The following MYH6 variants were observed in gnomAD, a reference collection of about 807,000 sequenced individuals.
MYH6 encodes myosin-6.
In MYH6, 126 loss-of-function variants were observed where a neutral mutation model predicts 223.2. That is an observed-to-expected ratio of 0.56 (90% CI 0.49 to 0.65). MYH6 has a LOEUF of 0.65. Ranked by LOEUF, MYH6 falls within the 30% of genes least tolerant of loss-of-function variation. The probability of loss-of-function intolerance (pLI) is 0.00; values close to 1 mark genes in which losing one functional copy is unlikely to be tolerated. For synonymous variants in MYH6, 978 were observed against 1,010.2 expected (o/e 0.97, Z 0.61); for missense variants, 2,040 against 2,536.4 (o/e 0.80, Z 4.20).
Position 23,400,742 on chromosome 14 carries a change from T to C in MYH6, c.1377A>G (p.Gly459=). The change falls in exon 13 of 39, where the codon GGA becomes GGG. Residue 459 remains glycine (G), a synonymous_variant. Coordinates refer to ENST00000405093, the MANE Select transcript of MYH6 (RefSeq NM_002471.4). ...ETKQPRQYFI[G]VLDIAGFEIF... Reference sequence around the variant, plus strand: ...TCTCGAAGCCAGCGATGTCCAGGACTCCTATGAAGTACTGGCGTGGCTGCT... The same window carrying C: ...TCTCGAAGCCAGCGATGTCCAGGACCCCTATGAAGTACTGGCGTGGCTGCT... 1 of 1,614,224 alleles carries C rather than the reference T, an allele frequency of 6.2e-7. No homozygotes were observed. Among genetic ancestry groups the C allele is most frequent in the South Asian group, 1.1e-5 (1 of 91,092 alleles).
rs1434012920 is a variant in MYH6, at chr14:23,388,031, C to T, written c.4360-108G>A. On this transcript the variant is annotated intron_variant, in intron 30 of 38. Transcript: ENST00000405093. Reference sequence around the variant, plus strand: ...CTCAGCCGCATGTCCAAGATCTGTCCCTGGTCCCGAGCCTGGGCTTAGCCC... The same window carrying T: ...CTCAGCCGCATGTCCAAGATCTGTCTCTGGTCCCGAGCCTGGGCTTAGCCC... The T allele has an allele frequency of 1.0e-5, 16 of 1,606,168 alleles. No individual in the cohort carries two copies. In the African/African-American group the frequency reaches 1.7e-4, roughly 17 times the overall value.
intron 25 of MYH6, among the ~76,000 whole-genome samples, chr14:23,391,477 A>C (rs907653775): frequency 6.6e-6 from 1 of 152,242 alleles, no homozygotes; most frequent in Non-Finnish European, 1.5e-5. Flanking sequence ...AAAACCCAGA[A>C]GGGGCATCCA....
rs544009955 is a variant in MYH6 at position 23,383,300 on chromosome 14, G to C, written c.5586C>G (p.Asn1862Lys). 4 of 755,220 alleles carry C rather than the reference G, an allele frequency of 5.3e-6. No individual in the cohort carries two copies. Among genetic ancestry groups the C allele is most frequent in the African/African-American group, 6.0e-5 (2 of 33,558 alleles). 46.8% of individuals were successfully genotyped at this position (755,220 alleles called of 1,614,324 possible). A position where few individuals can be genotyped will look rare whatever the true frequency, so the allele number is the denominator to read the frequency against. The change falls in exon 37 of 39, where the codon AAC (asparagine) becomes AAG (lysine). Residue 1862 changes from asparagine to lysine, a missense_variant. Physicochemically the swap from Asn to Lys is moderately conservative, Grantham distance 94. This residue lies in a region of MYH6 where 1,203 missense variants were observed against 1,400.2 expected (regional missense o/e 0.86). Coordinates refer to ENST00000405093, the MANE Select transcript of MYH6 (RefSeq NM_002471.4). The stretch of plus-strand genomic sequence containing the variant: ...CCACCAGGTCCTGTAGCCGCAGCAG[G>C]TTCTTTTTGTCTTCCTCTGTCTGGG... The part of the protein sequence containing the change: ...LTYQTEEDKK[N>K]LLRLQDLVDK...
chr14:23,383,149 C>G, intron 37 of MYH6, 76 bp downstream of exon 37: 1 of 1,302,902 alleles, frequency 7.7e-7, no homozygotes, highest in Admixed American at 1.7e-5. Context: ...GTCCAGGCCC[C>G]TCTGTAGGAG....
chr14:23,383,189 G>T, intron 37 of MYH6, 36 bp downstream of exon 37: 1 of 1,525,218 alleles, frequency 6.6e-7, no homozygotes, highest in Non-Finnish European at 9.1e-7. Context: ...AATAGTAGGT[G>T]TGTTGATGAG....
chr14:23,400,721 G>C lies in MYH6; in HGVS notation c.1398C>G (p.Phe466Leu). ...YFIGVLDIAG[F>L]EIFDFNSFEQ... ...GGTCCCAACTCACGTCGAAGATCTC[G>C]AAGCCAGCGATGTCCAGGACTCCTA... The change falls in exon 13 of 39, where the codon TTC becomes TTG. Residue 466 changes from phenylalanine to leucine, a missense_variant. Physicochemically the swap from Phe to Leu is conservative, Grantham distance 22. This residue lies in a region of MYH6 where 649 missense variants were observed against 877.3 expected (regional missense o/e 0.74). Coordinates refer to ENST00000405093, the MANE Select transcript of MYH6 (RefSeq NM_002471.4). 1 of 1,614,256 alleles carries C rather than the reference G, an allele frequency of 6.2e-7. No individual in the cohort carries two copies. The highest frequency in any genetic ancestry group is 8.5e-7 in the Non-Finnish European group (1 of 1,180,058).
intron 16 of MYH6, 100 bp from the exon 17 acceptor site, chr14:23,397,357 G>C (rs1891430473): frequency 7.5e-7 from 1 of 1,331,732 alleles, no homozygotes; most frequent in Admixed American, 1.7e-5. Flanking sequence ...TCATCAAAGG[G>C]ACAGGGGCTG....
Position 23,397,223 on chromosome 14 carries a change from G to A in MYH6, c.1997C>T (p.Thr666Ile), listed in dbSNP as rs1215762116. 6.2e-7 allele frequency: 1 copy of A among 1,614,202 alleles called. No individual in the cohort carries two copies. Among genetic ancestry groups the A allele is most frequent in the East Asian group, 2.2e-5 (1 of 44,886 alleles). ...GCAACGCACAAAGTGAGGATGGGTGGTCCTCAGGTTGGTCATTAGCTTGTT... is the reference window on the plus strand; with the variant it reads ...GCAACGCACAAAGTGAGGATGGGTGATCCTCAGGTTGGTCATTAGCTTGTT... ...NLNKLMTNLR[T>I]THPHFVRCII... is the part of the protein sequence containing the mutation. The change falls in exon 17 of 39, where the codon ACC becomes ATC. Residue 666 changes from threonine to isoleucine, a missense_variant. By Grantham distance (89) the Thr-to-Ile change is moderately conservative (BLOSUM62 -1). Coordinates refer to ENST00000405093, the MANE Select transcript of MYH6 (RefSeq NM_002471.4).
intron 12 of MYH6, among the ~76,000 whole-genome samples, 184 bp downstream of exon 12, chr14:23,402,280 G>A (rs1173528464): frequency 1.3e-5 from 2 of 152,120 alleles, no homozygotes; most frequent in Non-Finnish European, 2.9e-5. Context: ...GAGTGCAGCT[G>A]GGGTTGAGGA....
intron 29 of MYH6, 58 bp downstream of exon 29, chr14:23,388,801 C>A: frequency 1.9e-6 from 3 of 1,613,474 alleles, no homozygotes; most frequent in Non-Finnish European, 2.5e-6. Context: ...GTCCCCACCC[C>A]AGGTCCTCTC....
intron 3 of MYH6, 101 bp downstream of exon 3, chr14:23,406,922 C>T (rs432714): frequency 7.5e-7 from 1 of 1,337,238 alleles, no homozygotes; most frequent in Non-Finnish European, 1.1e-6. Flanking sequence ...CTGGCCTTGG[C>T]TTTTCTCCAG....
At chr14:23,400,525 G>A in intron 13 of MYH6, 99 bp from the exon 14 acceptor site, 1 of 1,598,730 alleles carries the variant, frequency 6.3e-7, no homozygotes, top group Non-Finnish European at 8.5e-7. Flanking sequence ...GGGTATGGCT[G>A]TCCCCTCCAT....
chr14:23,392,833 G>A, intron 24 of MYH6, 79 bp downstream of exon 24: 1 of 1,591,184 alleles, frequency 6.3e-7, no homozygotes, highest in Non-Finnish European at 8.6e-7. Context: ...ACTGTGGCCA[G>A]TGGAGGCGCA....
rs1429980314 is a variant in MYH6 at position 23,394,063 on chromosome 14, C to G, written c.2685+5G>C. On this transcript the variant is annotated splice_donor_5th_base_variant and intron_variant, in intron 21 of 38. Transcript: ENST00000405093. Reference sequence around the variant, plus strand: ...AGGGCTGAAGAGATAATCACGTGGCCTCACCGCCTGCACTTGGAGCTGCAG... The same window carrying G: ...AGGGCTGAAGAGATAATCACGTGGCGTCACCGCCTGCACTTGGAGCTGCAG... The G allele has an allele frequency of 1.2e-6, 2 of 1,614,126 alleles. No individual in the cohort carries two copies. Among genetic ancestry groups the G allele is most frequent in the Admixed American group, 3.3e-5 (2 of 60,026 alleles).
In MYH6 at chr14:23,400,900, C is replaced by T. The variant is rs1471518338; in HGVS notation, c.1219G>A (p.Val407Met). ...CCCTTGGTGACATACTCGTTGCCCA[C>T]TTTCACCCGAGGGTGGCACAGCCCC... Reference protein sequence around the residue: ...LKGLCHPRVKVGNEYVTKGQS... With the variant: ...LKGLCHPRVKMGNEYVTKGQS... Residue 407 changes from valine (V) to methionine (M), a missense_variant, in exon 13 of 39, where the codon GTG becomes ATG. By Grantham distance (21) the Val-to-Met change is conservative. Transcript: ENST00000405093. 1 of 1,614,128 alleles carries T rather than the reference C, an allele frequency of 6.2e-7. No homozygotes were observed. The highest frequency in any genetic ancestry group is 8.5e-7 in the Non-Finnish European group (1 of 1,180,050).
intron 20 of MYH6, among the ~76,000 whole-genome samples, chr14:23,395,305 C>T (rs1360139747): frequency 1.3e-5 from 2 of 152,230 alleles, no homozygotes; most frequent in African/African-American, 2.4e-5. Flanking sequence ...CATATTGTAT[C>T]ATGTAGTTGG....
rs775017184 is a variant in MYH6, at chr14:23,394,225, T to C, written c.2528A>G (p.Lys843Arg). 1 of 1,614,232 alleles carries C rather than the reference T, an allele frequency of 6.2e-7. No individual in the cohort carries two copies. Among genetic ancestry groups the C allele is most frequent in the Non-Finnish European group, 8.5e-7 (1 of 1,180,034 alleles). ...CATCTCCTTCTCCGTCTCTGCGCTC[T>C]TCAGCAGCGGCTTGATCTTGAAGTA... The part of the protein sequence containing the change: ...KLYFKIKPLL[K>R]SAETEKEMAT... The change falls in exon 21 of 39, where the codon AAG becomes AGG. Residue 843 changes from lysine (K) to arginine (R), a missense_variant. By Grantham distance (26) the Lys-to-Arg change is conservative. Transcript: ENST00000405093.
chr14:23,397,955 CTTCTT>C (rs1566512480), intron 15 of MYH6, among the ~76,000 whole-genome samples: 5 of 96,804 alleles, frequency 5.2e-5, no homozygotes, highest in African/African-American at 2.1e-4. Context: ...TCTTCTTCTT[CTTCTT>C]CTTCTTCTTC....
intron 11 of MYH6, 40 bp downstream of exon 11, chr14:23,402,657 C>T: frequency 1.2e-6 from 2 of 1,613,580 alleles, no homozygotes; most frequent in Non-Finnish European, 1.7e-6. Context: ...CCAGGAGCTC[C>T]TGGGGTCCCT....
Sources: gnomAD v4.1 joint callset for allele counts (sites outside exome capture counted in the v4.1 genomes callset) on GRCh38, gnomAD v4.1.1 for gene constraint, gnomAD v4.1.1 regional missense constraint, MANE v1.5 for transcripts, NCBI Gene and HGNC (gene_info 2026-07-23, HGNC 2026-07-21) for gene names.